Variants in TP63 observed in about 807,000 individuals in gnomAD.
TP63 encodes the protein tumor protein 63.
In TP63, 17 loss-of-function variants were observed where a neutral mutation model predicts 82.8. The ratio of observed to expected loss-of-function variants is 0.21; its 90% CI spans 0.14 to 0.31. The LOEUF (loss-of-function observed/expected upper bound fraction) is 0.31. Ranked by LOEUF, TP63 falls within the 10% of genes least tolerant of loss-of-function variation. The probability of loss-of-function intolerance (pLI) is 1.00; values close to 1 mark genes in which losing one functional copy is unlikely to be tolerated. For missense variants in TP63, 648 were observed against 895.3 expected (o/e 0.72, Z 3.52); for synonymous variants, 330 against 321.7 (o/e 1.03, Z -0.28).
At chr3:189,742,546 A>G (rs536263816) in intron 3 of TP63, among the ~76,000 whole-genome samples, 1 of 152,300 alleles carries the variant, frequency 6.6e-6, no homozygotes, top group Admixed American at 6.5e-5. Flanking sequence ...ATATATGTGA[A>G]GAGGCTTCAG....
intron 1 of TP63, among the ~76,000 whole-genome samples, chr3:189,698,924 G>A (rs1717597418): frequency 6.6e-6 from 1 of 152,076 alleles, no homozygotes; most frequent in African/African-American, 2.4e-5. Flanking sequence ...TTGTCTCACA[G>A]AAATTCTATT....
At chr3:189,616,760 C>T in the TP63 span, among the ~76,000 whole-genome samples, 4 of 152,158 alleles carry the variant, frequency 2.6e-5, no homozygotes, top group Non-Finnish European at 5.9e-5. Context: ...TAGAGCCTCA[C>T]GGTCAAGTTT....
intron 1 of TP63, among the ~76,000 whole-genome samples, chr3:189,654,990 G>A (rs1442402370): frequency 1.3e-5 from 2 of 152,082 alleles, no homozygotes; most frequent in East Asian, 3.9e-4. Flanking sequence ...AACTATATAG[G>A]ACTCTGCAGT....
At chr3:189,838,172 T>C (rs12490194) in intron 4 of TP63, among the ~76,000 whole-genome samples, 53,763 of 151,828 alleles carry the variant, frequency 0.35, 9,737 homozygotes, top group East Asian at 0.51. Flanking sequence ...TTCTTCCTTC[T>C]TACCTCCCTT....
intron 1 of TP63, among the ~76,000 whole-genome samples, chr3:189,653,025 TATA>T (rs1713028486): frequency 2.0e-5 from 3 of 149,624 alleles, no homozygotes; most frequent in Admixed American, 2.0e-4. Flanking sequence ...AATGGACTAA[TATA>T]ATCAGCATGT....
rs1156431272 is a variant in TP63 at position 189,831,818 on chromosome 3, CTTTTTTTTTTTTTTTT to C, written c.579+23306_579+23321del. ...GATGTGCCATGAAAGCTATTATGCT[CTTTTTTTTTTTTTTTT>C]TTTTTTTTTTTTTGAGACGGAGTCT... On this transcript the variant is annotated intron_variant, in intron 4 of 13. Coordinates refer to ENST00000264731, the MANE Select transcript of TP63 (RefSeq NM_003722.5). 6.7e-4 allele frequency among the ~76,000 whole-genome samples: 49 copies of C among 73,202 alleles called. 1 individual carries two copies. The highest frequency in any genetic ancestry group is 2.7e-3 in the African/African-American group (42 of 15,748). 48.0% of individuals were successfully genotyped at this position (73,202 alleles called of 152,430 possible).
chr3:189,765,119 G>A (rs1722839633), intron 3 of TP63, among the ~76,000 whole-genome samples: 1 of 152,066 alleles, frequency 6.6e-6, no homozygotes, highest in African/African-American at 2.4e-5. Context: ...AATAGATGCA[G>A]CCAGTTTCCC....
chr3:189,871,705 C>CCGG (rs1027855554), intron 9 of TP63, among the ~76,000 whole-genome samples: 4 of 152,138 alleles, frequency 2.6e-5, no homozygotes, highest in African/African-American at 7.2e-5. Context: ...TAGTCCTGGC[C>CCGG]CGGCTCATCC....
Position 189,873,035 on chromosome 3 carries a change from G to C in TP63, c.1349+40G>C, listed in dbSNP as rs9840359. On this transcript the variant is annotated intron_variant, in intron 10 of 13. Coordinates refer to ENST00000264731, the MANE Select transcript of TP63 (RefSeq NM_003722.5). ...GTGTCATTTTAGGAGGCATGAGTGA[G>C]GGTGACTTTATTTGGATCAGCAATA... 0.53 allele frequency: 853,280 copies of C among 1,612,994 alleles called. 229,603 individuals are homozygous for C. Among genetic ancestry groups the C allele is most frequent in the African/African-American group, 0.65 (48,315 of 74,848 alleles).
intron 1 of TP63, among the ~76,000 whole-genome samples, chr3:189,677,512 G>T (rs1327304692): frequency 6.6e-6 from 1 of 150,808 alleles, no homozygotes; most frequent in Non-Finnish European, 1.5e-5. Flanking sequence ...GCACACTTAG[G>T]TTGATTCCAG....
At chr3:189,844,086 C>G in intron 4 of TP63, 1 of 217,920 alleles carries the variant, frequency 4.6e-6, no homozygotes, top group Non-Finnish European at 9.6e-6. Flanking sequence ...TTTGGTAGTT[C>G]GGGACACTGA....
At chr3:189,674,892 G>A (rs1315751205) in intron 1 of TP63, among the ~76,000 whole-genome samples, 3 of 152,046 alleles carry the variant, frequency 2.0e-5, no homozygotes, top group Admixed American at 6.6e-5. Context: ...GTGTAAAAAC[G>A]GGTTAGGTTT....
chr3:189,684,773 G>A, intron 1 of TP63, among the ~76,000 whole-genome samples: 1 of 151,682 alleles, frequency 6.6e-6, no homozygotes, highest in East Asian at 1.9e-4. Flanking sequence ...TGAGATTACA[G>A]GCATACGTTA....
intron 3 of TP63, among the ~76,000 whole-genome samples, chr3:189,803,561 T>G (rs1726544595): frequency 6.6e-6 from 1 of 152,220 alleles, no homozygotes; most frequent in African/African-American, 2.4e-5. Context: ...ATTCAGCTCC[T>G]GGGTATCTTT....
chr3:189,667,088 C>A (rs1470088189), intron 1 of TP63, among the ~76,000 whole-genome samples: 2 of 145,828 alleles, frequency 1.4e-5, no homozygotes, highest in African/African-American at 5.0e-5. Context: ...TGCCTGAGAA[C>A]AATTTCCTAA....
At chr3:189,630,212 C>T (rs1044200129), upstream of TP63, among the ~76,000 whole-genome samples, 3 of 152,124 alleles carry the variant, frequency 2.0e-5, no homozygotes, top group South Asian at 2.1e-4. Flanking sequence ...ACTGATGTCA[C>T]CTATTTACAG....
the TP63 span, among the ~76,000 whole-genome samples, chr3:189,620,506 C>CAAAAAAAAAAAAAA: frequency 1.4e-5 from 1 of 68,988 alleles, no homozygotes. Context: ...AAGACTCCAT[C>CAAAAAAAAAAAAAA]AAAAAAAAAA....
chr3:189,747,660 A>G (rs144097652), intron 3 of TP63, among the ~76,000 whole-genome samples: 59 of 152,172 alleles, frequency 3.9e-4, no homozygotes, highest in African/African-American at 9.1e-4. Flanking sequence ...CAATCCAACA[A>G]TGCACCTTAA....
chr3:189,609,813 G>A, the TP63 span, among the ~76,000 whole-genome samples: 1 of 152,122 alleles, frequency 6.6e-6, no homozygotes, highest in African/African-American at 2.4e-5. Context: ...CCATGTCTTT[G>A]CTATTGTGAA....
Sources: gnomAD v4.1 joint callset for allele counts (sites outside exome capture counted in the v4.1 genomes callset) on GRCh38, gnomAD v4.1.1 for gene constraint, MANE v1.5 for transcripts, NCBI Gene and HGNC (gene_info 2026-07-23, HGNC 2026-07-21) for gene names.